DARS1: variants seen among roughly 807,000 people sequenced by gnomAD.
The protein encoded by DARS1 is aspartyl-tRNA synthetase 1, also known as aspartate--tRNA ligase, cytoplasmic.
In DARS1, 51 loss-of-function variants were observed where a neutral mutation model predicts 68.8. The observed-to-expected ratio is 0.74, with a 90% confidence interval of 0.59 to 0.94. The LOEUF is 0.94. Ranked by LOEUF, DARS1 falls within the 40% of genes least tolerant of loss-of-function variation. DARS1 has a pLI of 0.00. For synonymous variants in DARS1, 203 were observed against 190.4 expected (o/e 1.07, Z -0.55); for missense variants, 607 against 597.3 (o/e 1.02, Z -0.17).
rs1348675845 is a variant in DARS1 at position 135,979,321 on chromosome 2, T to C, written c.170A>G (p.Asp57Gly). 6.5e-7 allele frequency: 1 copy of C among 1,532,866 alleles called. No individual in the cohort carries two copies. The highest frequency in any genetic ancestry group is 1.7e-5 in the Admixed American group (1 of 59,926). 95.0% of individuals were successfully genotyped at this position (1,532,866 alleles called of 1,614,324 possible). Residue 57 changes from aspartate (D) to glycine (G), a missense_variant, in exon 3 of 16, where the codon GAT becomes GGT. Asp to Gly is a moderately conservative substitution (Grantham distance 94). Coordinates refer to ENST00000264161, the MANE Select transcript of DARS1 (RefSeq NM_001349.4). ...RVRDLTIQKA[D>G]EVVWVRARVH... The stretch of plus-strand genomic sequence containing the variant: ...TCTTGCACGTACCCAAACAACTTCA[T>C]CAGCTTTTTGTATTGTCAAGTCTCT...
intron 5 of DARS1, among the ~76,000 whole-genome samples, chr2:135,934,859 G>A (rs1489324564): frequency 1.3e-5 from 2 of 149,228 alleles, no homozygotes. Context: ...CAATGGTGTG[G>A]TCTTGGCTCA....
intron 8 of DARS1, among the ~76,000 whole-genome samples, chr2:135,923,186 A>T (rs915774177): frequency 4.9e-4 from 74 of 152,308 alleles, no homozygotes; most frequent in African/African-American, 1.7e-3. Context: ...CAAAACTATT[A>T]AAGCCCCTTT....
intron 11 of DARS1, chr2:135,914,914 A>C (rs1680973525): frequency 6.4e-6 from 1 of 156,486 alleles, no homozygotes; most frequent in South Asian, 1.9e-4. Context: ...AATTAGTATT[A>C]TCCAAGGTTT....
chr2:135,975,416 A>G (rs889397074), intron 3 of DARS1, among the ~76,000 whole-genome samples: 36 of 152,306 alleles, frequency 2.4e-4, no homozygotes, highest in African/African-American at 7.2e-4. Flanking sequence ...AGAAAAGTGC[A>G]AGTTATAAAA....
chr2:135,949,211 C>T (rs1367342916), intron 4 of DARS1, among the ~76,000 whole-genome samples: 1 of 152,064 alleles, frequency 6.6e-6, no homozygotes, highest in African/African-American at 2.4e-5. Flanking sequence ...TAAATTTTAA[C>T]TTTAAAACTA....
rs1434259427 is a variant in DARS1 at position 135,985,543 on chromosome 2, C to CTCCCTCCCAGTCT, written c.-88_-76dup. The CTCCCTCCCAGTCT allele has an allele frequency of 6.2e-7, 1 of 1,608,958 alleles. No individual in the cohort carries two copies. Among genetic ancestry groups the CTCCCTCCCAGTCT allele is most frequent in the African/African-American group, 1.3e-5 (1 of 74,912 alleles). ...TAAGGCAGGCCAAAGGGGCTTCTCC[C>CTCCCTCCCAGTCT]TCCCTCCCAGTCTCCGCCCTCCCGA... On this transcript the variant is annotated 5_prime_UTR_variant, in exon 1 of 16. Coordinates refer to ENST00000264161, the MANE Select transcript of DARS1 (RefSeq NM_001349.4).
At chr2:135,908,255 A>G (rs964472605) in intron 15 of DARS1, among the ~76,000 whole-genome samples, 1 of 152,212 alleles carries the variant, frequency 6.6e-6, no homozygotes, top group South Asian at 2.1e-4. Flanking sequence ...GCGAATACGC[A>G]CTATTCTTTT....
intron 5 of DARS1, among the ~76,000 whole-genome samples, chr2:135,936,080 C>T (rs539234855): frequency 9.9e-5 from 15 of 152,270 alleles, no homozygotes; most frequent in African/African-American, 3.1e-4. Flanking sequence ...CTTTACTAGA[C>T]CATGAGTACT....
At chr2:135,961,864 T>C (rs577561279) in intron 3 of DARS1, among the ~76,000 whole-genome samples, 2 of 152,338 alleles carry the variant, frequency 1.3e-5, no homozygotes, top group African/African-American at 4.8e-5. Flanking sequence ...CAATAGTTAG[T>C]ATATTCCACA....
At chr2:135,979,493 T>G in intron 2 of DARS1, 127 bp from the exon 3 acceptor site, 1 of 611,968 alleles carries the variant, frequency 1.6e-6, no homozygotes, top group Non-Finnish European at 2.9e-6. Flanking sequence ...TTCTCAATCT[T>G]TGACAACACT....
chr2:135,967,039 A>AT (rs1345690336), intron 3 of DARS1, among the ~76,000 whole-genome samples: 1 of 152,182 alleles, frequency 6.6e-6, no homozygotes, highest in Non-Finnish European at 1.5e-5. Context: ...CAGCTCCATT[A>AT]TGGTGATGGC....
At chr2:135,931,722 G>GT (rs1007769875) in intron 7 of DARS1, among the ~76,000 whole-genome samples, 3 of 152,216 alleles carry the variant, frequency 2.0e-5, no homozygotes, top group African/African-American at 7.2e-5. Context: ...AAAAGACAGT[G>GT]TAAGAATCCT....
rs1009709413 is a variant in DARS1, at chr2:135,975,855, A to C, written c.217+3419T>G. 2.0e-5 allele frequency among the ~76,000 whole-genome samples: 3 copies of C among 151,066 alleles called. No individual in the cohort carries two copies. In the East Asian group the frequency reaches 5.8e-4, roughly 29 times the overall value. On this transcript the variant is annotated intron_variant, in intron 3 of 15. Coordinates refer to ENST00000264161, the MANE Select transcript of DARS1 (RefSeq NM_001349.4). ...TCCCAGCTACTTGGGAGGCTGAGGC[A>C]CGAGAATTGCTTCAACCCAGGAGGC...
rs1682233667 is a variant in DARS1, at chr2:135,966,241, G to A, written c.218-4743C>T. Among the ~76,000 whole-genome samples, 2 of 151,246 alleles carry A rather than the reference G, an allele frequency of 1.3e-5. 1 individual carries two copies. Among genetic ancestry groups the A allele is most frequent in the African/African-American group, 4.8e-5 (2 of 41,252 alleles). On this transcript the variant is annotated intron_variant, in intron 3 of 15. Coordinates refer to ENST00000264161, the MANE Select transcript of DARS1 (RefSeq NM_001349.4). ...TTTTGCAGGGAAGAGACTGTGGTGA[G>A]ATGGAGGAGAATCGTGAGACCTCTA... is the stretch of plus-strand genomic sequence containing the variant.
At chr2:135,926,924 C>G (rs1681230857) in intron 7 of DARS1, among the ~76,000 whole-genome samples, 1 of 152,132 alleles carries the variant, frequency 6.6e-6, no homozygotes, top group Admixed American at 6.5e-5. Context: ...CTTTTTGTAC[C>G]TACTGCTGGG....
chr2:135,973,636 C>T (rs1044555016), intron 3 of DARS1, among the ~76,000 whole-genome samples: 2 of 152,040 alleles, frequency 1.3e-5, no homozygotes, highest in Non-Finnish European at 2.9e-5. Context: ...GGATAGATAG[C>T]TTGAGCTCAT....
intron 5 of DARS1, among the ~76,000 whole-genome samples, chr2:135,935,094 G>C (rs1240259734): frequency 1.3e-5 from 2 of 151,992 alleles, no homozygotes; most frequent in African/African-American, 4.8e-5. Context: ...CGGCCATCTT[G>C]TTATTTTTAA....
chr2:135,983,993 C>T (rs1682704641), intron 1 of DARS1, among the ~76,000 whole-genome samples: 1 of 152,154 alleles, frequency 6.6e-6, no homozygotes, highest in Non-Finnish European at 1.5e-5. Context: ...AAAAAATTCA[C>T]CAGCTTCCTG....
Position 135,956,550 on chromosome 2 carries a change from T to C in DARS1, c.320+4846A>G, listed in dbSNP as rs1289304000. Among the ~76,000 whole-genome samples the C allele has an allele frequency of 2.0e-5, 3 of 152,194 alleles. No individual in the cohort carries two copies. In the East Asian group the frequency reaches 5.8e-4, roughly 29 times the overall value. On this transcript the variant is annotated intron_variant, in intron 4 of 15. Coordinates refer to ENST00000264161, the MANE Select transcript of DARS1 (RefSeq NM_001349.4). ...CAGGATTCTTACTAAAACTGAACAATGCAGGCATAAACATGAAGTAAAAAA... is the reference window on the plus strand; with the variant it reads ...CAGGATTCTTACTAAAACTGAACAACGCAGGCATAAACATGAAGTAAAAAA...
Sources: gnomAD v4.1 joint callset for allele counts (sites outside exome capture counted in the v4.1 genomes callset) on GRCh38, gnomAD v4.1.1 for gene constraint, MANE v1.5 for transcripts, NCBI Gene and HGNC (gene_info 2026-07-23, HGNC 2026-07-21) for gene names.